PPIL3: variants seen among roughly 807,000 people sequenced by gnomAD.
The protein encoded by PPIL3 is peptidylprolyl isomerase like 3.
Under a neutral mutation model 20.9 loss-of-function variants are expected in PPIL3, and 13 were observed. That is an observed-to-expected ratio of 0.62 (90% CI 0.40 to 0.99). The LOEUF (loss-of-function observed/expected upper bound fraction) is 0.99, where lower values mean the gene tolerates loss of function less well. Ranked by LOEUF, PPIL3 falls within the 50% of genes least tolerant of loss-of-function variation. The pLI is 0.00. For synonymous variants in PPIL3, 71 were observed against 64.4 expected (o/e 1.10, Z -0.49); for missense variants, 170 against 195.2 (o/e 0.87, Z 0.77).
intron 5 of PPIL3, among the ~76,000 whole-genome samples, chr2:200,879,411 G>T (rs944259533): frequency 6.6e-6 from 1 of 151,648 alleles, no homozygotes; most frequent in East Asian, 2.0e-4. Flanking sequence ...GAGCCACCGC[G>T]CCCGGCCTAT....
At chr2:200,878,486 C>G (rs975147407) in intron 5 of PPIL3, among the ~76,000 whole-genome samples, 4 of 150,980 alleles carry the variant, frequency 2.6e-5, no homozygotes, top group African/African-American at 9.8e-5. Flanking sequence ...ACCTCCTAGG[C>G]TTGAGCAATC....
chr2:200,885,826 G>A, intron 2 of PPIL3, 54 bp from the exon 3 acceptor site: 3 of 1,099,798 alleles, frequency 2.7e-6, no homozygotes, highest in Non-Finnish European at 4.1e-6. Flanking sequence ...GTGACTTTAT[G>A]CATTGTTTAT....
chr2:200,887,789 G>T, intron 1 of PPIL3, 104 bp from the exon 2 acceptor site: 1 of 476,934 alleles, frequency 2.1e-6, no homozygotes, highest in Non-Finnish European at 3.7e-6. Context: ...GGGCGTGGTG[G>T]CTCACGCCTA....
intron 2 of PPIL3, among the ~76,000 whole-genome samples, chr2:200,886,380 T>C (rs2039938062): frequency 6.6e-6 from 1 of 152,144 alleles, no homozygotes; most frequent in Non-Finnish European, 1.5e-5. Flanking sequence ...TATGATACTG[T>C]ATTCCAGAGA....
chr2:200,874,699 A>G (rs1420476551), intron 6 of PPIL3, among the ~76,000 whole-genome samples: 1 of 152,214 alleles, frequency 6.6e-6, no homozygotes. Flanking sequence ...CAAACATAAA[A>G]AAACTACTAG....
intron 3 of PPIL3, 159 bp downstream of exon 3, chr2:200,885,539 A>G: frequency 3.3e-6 from 2 of 601,928 alleles, no homozygotes; most frequent in Non-Finnish European, 5.8e-6. Flanking sequence ...GACATTGGAC[A>G]AATAAGTGGA....
intron 6 of PPIL3, among the ~76,000 whole-genome samples, chr2:200,871,794 C>G (rs988422107): frequency 6.6e-6 from 1 of 152,194 alleles, no homozygotes; most frequent in African/African-American, 2.4e-5. Context: ...CATACAGTGA[C>G]AGAGAACAGC....
intron 6 of PPIL3, among the ~76,000 whole-genome samples, chr2:200,876,717 T>C (rs933404123): frequency 6.6e-5 from 10 of 152,096 alleles, no homozygotes; most frequent in African/African-American, 1.9e-4. Flanking sequence ...AGACAGGGGT[T>C]CTGCCACATT....
chr2:200,875,692 C>G (rs2105761948), intron 6 of PPIL3, among the ~76,000 whole-genome samples: 2 of 152,198 alleles, frequency 1.3e-5, no homozygotes, highest in Middle Eastern at 6.8e-3. Context: ...CCCACCTCAG[C>G]CTCCTGAGTA....
At chr2:200,882,574 C>T in intron 3 of PPIL3, 139 bp from the exon 4 acceptor site, 2 of 664,730 alleles carry the variant, frequency 3.0e-6, no homozygotes, top group Middle Eastern at 2.9e-4. Flanking sequence ...CATTTCCCTG[C>T]CTACAACACT....
At chr2:200,881,722 T>C (rs1254088531) in intron 4 of PPIL3, 1 of 465,376 alleles carries the variant, frequency 2.1e-6, no homozygotes, top group Non-Finnish European at 3.8e-6. Flanking sequence ...TATTTAAGTA[T>C]GAAAAGCTTC....
intron 6 of PPIL3, among the ~76,000 whole-genome samples, chr2:200,874,350 T>TG (rs2039435327): frequency 6.6e-6 from 1 of 152,166 alleles, no homozygotes; most frequent in South Asian, 2.1e-4. Context: ...CTATCCCACC[T>TG]TCTAGGTCAG....
intron 6 of PPIL3, among the ~76,000 whole-genome samples, chr2:200,874,025 G>A (rs2039416258): frequency 6.6e-6 from 1 of 151,098 alleles, no homozygotes; most frequent in Non-Finnish European, 1.5e-5. Context: ...CTAACATGGT[G>A]AAACCCCGTC....
At chr2:200,876,130 A>C (rs1008478816) in intron 6 of PPIL3, among the ~76,000 whole-genome samples, 1 of 151,030 alleles carries the variant, frequency 6.6e-6, no homozygotes, top group African/African-American at 2.5e-5. Context: ...TCTAAAAAAA[A>C]AGTGTTTTTT....
intron 6 of PPIL3, among the ~76,000 whole-genome samples, chr2:200,871,999 C>T (rs969753749): frequency 6.6e-6 from 1 of 152,148 alleles, no homozygotes; most frequent in Non-Finnish European, 1.5e-5. Context: ...CATGCCCCCA[C>T]ACCTGGCCCT....
intron 6 of PPIL3, among the ~76,000 whole-genome samples, chr2:200,873,018 C>G (rs1559334256): frequency 6.6e-6 from 1 of 151,896 alleles, no homozygotes; most frequent in East Asian, 1.9e-4. Context: ...ATTATAGGAG[C>G]CTACCACCAC....
intron 3 of PPIL3, among the ~76,000 whole-genome samples, chr2:200,883,447 C>T (rs923560295): frequency 6.6e-6 from 1 of 151,456 alleles, no homozygotes; most frequent in Non-Finnish European, 1.5e-5. Flanking sequence ...TTTTTCAAGG[C>T]ATTATCATCT....
chr2:200,888,937 T>G lies in PPIL3; in HGVS notation c.-71+19A>C. The G allele has an allele frequency of 2.1e-6, 1 of 471,206 alleles. No individual in the cohort carries two copies. Among genetic ancestry groups the G allele is most frequent in the Non-Finnish European group, 4.4e-6 (1 of 227,064 alleles). 29.2% of individuals were successfully genotyped at this position (471,206 alleles called of 1,614,324 possible). A position where few individuals can be genotyped will look rare whatever the true frequency, so the allele number is the denominator to read the frequency against. On this transcript the variant is annotated intron_variant, in intron 1 of 6. Coordinates refer to ENST00000392283, the MANE Select transcript of PPIL3 (RefSeq NM_130906.3). ...CATTCGAATAAGTGAATGAAAGAAT[T>G]AATGACGTTACTCCATACTTGGGCT...
At chr2:200,873,510 T>C (rs1273137766) in intron 6 of PPIL3, among the ~76,000 whole-genome samples, 2 of 152,004 alleles carry the variant, frequency 1.3e-5, no homozygotes, top group East Asian at 3.9e-4. Flanking sequence ...ATTTCTACTT[T>C]TTGCTTCTGG....
Sources: gnomAD v4.1 joint callset for allele counts (sites outside exome capture counted in the v4.1 genomes callset) on GRCh38, gnomAD v4.1.1 for gene constraint, MANE v1.5 for transcripts, NCBI Gene and HGNC (gene_info 2026-07-23, HGNC 2026-07-21) for gene names.